The following GDAP1 variants were observed in gnomAD, a reference collection of about 807,000 sequenced individuals.
GDAP1 encodes the protein ganglioside-induced differentiation-associated protein 1.
A neutral mutation model predicts 40.1 loss-of-function variants in GDAP1; 34 were observed. The observed-to-expected ratio is 0.85, with a 90% CI of 0.64 to 1.13. The LOEUF (loss-of-function observed/expected upper bound fraction) is 1.13, where lower values mean the gene tolerates loss of function less well. Among genes scored for constraint, GDAP1 ranks in the 50% most tolerant of loss-of-function variants. The pLI, the probability that GDAP1 is intolerant of heterozygous loss-of-function variation, is 0.00. For synonymous variants in GDAP1, 170 were observed against 157.4 expected (o/e 1.08, Z -0.60); for missense variants, 374 against 433.7 (o/e 0.86, Z 1.22).
intron 2 of GDAP1, among the ~76,000 whole-genome samples, chr8:74,409,129 A>G (rs1805676946): frequency 6.7e-6 from 1 of 150,048 alleles, no homozygotes. Flanking sequence ...CAGAATGTCA[A>G]AACTTTTATA....
chr8:74,365,282 A>G lies in GDAP1; in HGVS notation c.*915A>G, dbSNP rs1809570197. 4.4e-6 allele frequency: 2 copies of G among 454,130 alleles called. No individual in the cohort carries two copies. Among genetic ancestry groups the G allele is most frequent in the South Asian group, 1.6e-5 (1 of 64,478 alleles). 28.1% of individuals were successfully genotyped at this position (454,130 alleles called of 1,614,324 possible). A position where few individuals can be genotyped will look rare whatever the true frequency, so the allele number is the denominator to read the frequency against. ...TGTTGTCCAGATCTTTCATCTGTTTATGATCATCAACAAAGACTTGTTAGA... is the reference window on the plus strand; with the variant it reads ...TGTTGTCCAGATCTTTCATCTGTTTGTGATCATCAACAAAGACTTGTTAGA... On this transcript the variant is annotated 3_prime_UTR_variant, in exon 6 of 6. Coordinates refer to ENST00000220822, the MANE Select transcript of GDAP1 (RefSeq NM_018972.4).
chr8:74,362,010 C>T (rs1012971469), intron 4 of GDAP1, 32 bp downstream of exon 4: 2 of 1,046,848 alleles, frequency 1.9e-6, no homozygotes, highest in East Asian at 2.4e-5. Context: ...AGTTGACATA[C>T]ACTGCACGGA....
At chr8:74,378,975 G>A (rs542521833) in intron 2 of GDAP1, among the ~76,000 whole-genome samples, 1 of 152,272 alleles carries the variant, frequency 6.6e-6, no homozygotes, top group East Asian at 1.9e-4. Context: ...ATAGTCCCTG[G>A]TCCTTGGAGT....
intron 2 of GDAP1, among the ~76,000 whole-genome samples, chr8:74,477,637 C>T (rs1399871324): frequency 2.0e-5 from 3 of 152,120 alleles, no homozygotes; most frequent in African/African-American, 7.2e-5. Flanking sequence ...TCTCTGGCTC[C>T]TTAAGGTTAG....
rs539367617 is a variant in GDAP1, at chr8:74,468,971, T to C, written c.166-19707T>C. Among the ~76,000 whole-genome samples the C allele has an allele frequency of 5.3e-5, 8 of 152,286 alleles. No individual in the cohort carries two copies. The South Asian group carries it at 1.7e-3, about 32-fold the overall frequency. ...ACTTACATTATTAATTATTAAAAAT[T>C]AGGAATGATTTTGAATTTTGTCTTT... On this transcript the variant is annotated intron_variant, in intron 2 of 2. Transcript: ENST00000523640.
At chr8:74,403,634 G>C (rs1323984159) in intron 2 of GDAP1, among the ~76,000 whole-genome samples, 1 of 150,250 alleles carries the variant, frequency 6.7e-6, no homozygotes, top group East Asian at 1.9e-4. Context: ...ATGGATTATG[G>C]TCAGCAGCAT....
intron 2 of GDAP1, among the ~76,000 whole-genome samples, chr8:74,397,311 G>A (rs1025595421): frequency 5.3e-5 from 8 of 151,516 alleles, no homozygotes; most frequent in African/African-American, 1.9e-4. Context: ...TAGGTTGCCT[G>A]TTCACTCTGA....
intron 2 of GDAP1, among the ~76,000 whole-genome samples, chr8:74,422,420 T>C (rs1805887722): frequency 7.0e-6 from 1 of 143,360 alleles, no homozygotes. Flanking sequence ...TCTCTTCGTT[T>C]TCTTCCTTTT....
chr8:74,383,341 G>T (rs114546438), intron 2 of GDAP1, among the ~76,000 whole-genome samples: 11 of 152,132 alleles, frequency 7.2e-5, no homozygotes, highest in Admixed American at 7.2e-4. Flanking sequence ...AAAACCAGAT[G>T]GTATTGGCTT....
chr8:74,366,909 A>T (rs909463010), downstream of GDAP1: 1 of 385,830 alleles, frequency 2.6e-6, no homozygotes, highest in Non-Finnish European at 5.0e-6. Context: ...TGGAAAACAG[A>T]TATATTTTTT....
intron 2 of GDAP1, among the ~76,000 whole-genome samples, chr8:74,468,947 C>T (rs1373207478): frequency 6.6e-6 from 1 of 152,050 alleles, no homozygotes; most frequent in Non-Finnish European, 1.5e-5. Flanking sequence ...CTTATCTATA[C>T]TTACATTATT....
At chr8:74,428,580 C>T (rs182805150) in intron 2 of GDAP1, among the ~76,000 whole-genome samples, 296 of 149,680 alleles carry the variant, frequency 2.0e-3, no homozygotes, top group African/African-American at 6.8e-3. Flanking sequence ...GATTCTTCTG[C>T]CTCAGCCTCC....
At chr8:74,481,535 C>T (rs2128721628) in intron 2 of GDAP1, among the ~76,000 whole-genome samples, 1 of 152,290 alleles carries the variant, frequency 6.6e-6, no homozygotes, top group Non-Finnish European at 1.5e-5. Context: ...TAATAAAGTT[C>T]TACCTTCTTC....
In GDAP1 at chr8:74,415,865, G is replaced by A. The variant is rs374783507; in HGVS notation, c.165+64544G>A. Among the ~76,000 whole-genome samples the A allele has an allele frequency of 1.3e-5, 2 of 149,674 alleles. 1 individual carries two copies. The highest frequency in any genetic ancestry group is 4.1e-4 in the South Asian group (2 of 4,820). On this transcript the variant is annotated intron_variant, in intron 2 of 2. Transcript: ENST00000523640. ...AGGTTCTGGCCAAGGGGGACTGTGA[G>A]AGAGGTTCTGGCCAAGTAGGGATTT...
intron 2 of GDAP1, among the ~76,000 whole-genome samples, chr8:74,440,604 CT>C (rs55740070): frequency 0.99 from 141,725 of 143,768 alleles, 69,853 homozygotes; most frequent in Non-Finnish European, 0.99. Flanking sequence ...CTTTAGAAGT[CT>C]TTTTTTTTTT....
chr8:74,389,264 A>G (rs1047588712), intron 2 of GDAP1, among the ~76,000 whole-genome samples: 1 of 152,050 alleles, frequency 6.6e-6, no homozygotes, highest in Non-Finnish European at 1.5e-5. Flanking sequence ...CAGTTTCTTC[A>G]TAGTATTGTT....
chr8:74,385,277 A>C (rs918416511), intron 2 of GDAP1, among the ~76,000 whole-genome samples: 4 of 152,114 alleles, frequency 2.6e-5, no homozygotes, highest in Non-Finnish European at 4.4e-5. Flanking sequence ...TGCTGCACCC[A>C]TCAACCCATC....
chr8:74,417,369 A>G (rs1038409348), intron 2 of GDAP1, among the ~76,000 whole-genome samples: 16 of 150,064 alleles, frequency 1.1e-4, no homozygotes, highest in African/African-American at 3.6e-4. Context: ...ACATTATACT[A>G]TACTTCCCAA....
At chr8:74,456,900 G>A (rs1806342528) in intron 2 of GDAP1, among the ~76,000 whole-genome samples, 1 of 151,996 alleles carries the variant, frequency 6.6e-6, no homozygotes, top group Admixed American at 6.6e-5. Flanking sequence ...TGTAAGGAGA[G>A]GAGAAGGAAA....
Sources: allele counts gnomAD v4.1 joint callset (sites outside exome capture counted in the v4.1 genomes callset), GRCh38; gene constraint gnomAD v4.1.1; transcripts MANE v1.5; gene names NCBI Gene and HGNC (gene_info 2026-07-23, HGNC 2026-07-21).